Variants in CAMK1D observed in about 807,000 individuals in gnomAD.
The protein encoded by CAMK1D is calcium/calmodulin-dependent protein kinase type 1D.
Under a neutral mutation model 47.7 loss-of-function variants are expected in CAMK1D, and 9 were observed. The observed-to-expected ratio is 0.19, with a 90% CI of 0.11 to 0.33. The LOEUF is 0.33. Ranked by LOEUF, CAMK1D falls within the 10% of genes least tolerant of loss-of-function variation. The probability of loss-of-function intolerance (pLI) is 1.00; values close to 1 mark genes in which losing one functional copy is unlikely to be tolerated. For synonymous variants in CAMK1D, 184 were observed against 184.9 expected, an observed-to-expected ratio of 0.99 and a Z score of 0.04; for missense variants, 291 against 488.7, an observed-to-expected ratio of 0.60 and a Z score of 3.81.
At position 12,728,676 on chromosome 10, in the gene CAMK1D, C is replaced by T. The variant is rs115308454; in HGVS notation, c.300-32272C>T. ...ACAGCTGCGTTAGGATGAGGCAGATCGGTTTCTCTGGCTGCCCTTTCAATT... is the reference window on the plus strand; with the variant it reads ...ACAGCTGCGTTAGGATGAGGCAGATTGGTTTCTCTGGCTGCCCTTTCAATT... On this transcript the variant is annotated intron_variant, in intron 3 of 10. Transcript: ENST00000619168. Among the ~76,000 whole-genome samples, 297 of 152,288 alleles carry T rather than the reference C, an allele frequency of 2.0e-3. 1 individual carries two copies. The highest frequency in any genetic ancestry group is 6.8e-3 in the African/African-American group (283 of 41,554).
chr10:12,526,632 C>A (rs1835630240), intron 1 of CAMK1D, among the ~76,000 whole-genome samples: 1 of 152,042 alleles, frequency 6.6e-6, no homozygotes, highest in African/African-American at 2.4e-5. Flanking sequence ...TAAAAATAAT[C>A]AGAGGCTGGG....
intron 3 of CAMK1D, among the ~76,000 whole-genome samples, chr10:12,732,513 CG>C (rs564791398): frequency 3.3e-5 from 5 of 151,980 alleles, no homozygotes; most frequent in Admixed American, 2.0e-4. Context: ...AGAATCGTGG[CG>C]GGAGGCGAAA....
chr10:12,502,853 G>A (rs11257835), intron 1 of CAMK1D, among the ~76,000 whole-genome samples: 10,850 of 152,236 alleles, frequency 0.071, 441 homozygotes, highest in East Asian at 0.15. Flanking sequence ...TACTTGCCAT[G>A]CTCATTTTCT....
chr10:12,401,448 C>G (rs76132222), intron 1 of CAMK1D, among the ~76,000 whole-genome samples: 1,559 of 148,466 alleles, frequency 0.011, 26 homozygotes, highest in African/African-American at 0.037. Flanking sequence ...CTAATAGCTA[C>G]TTAATCAGTC....
intron 2 of CAMK1D, among the ~76,000 whole-genome samples, chr10:12,588,795 CACACACACACACACAT>C (rs1837899347): frequency 6.7e-6 from 1 of 148,446 alleles, no homozygotes; most frequent in Non-Finnish European, 1.5e-5. Flanking sequence ...TATATACACA[CACACACACACACACAT>C]ACACACATGC....
chr10:12,363,501 C>T (rs1272438854), intron 1 of CAMK1D, among the ~76,000 whole-genome samples: 1 of 152,062 alleles, frequency 6.6e-6, no homozygotes, highest in African/African-American at 2.4e-5. Flanking sequence ...GTGATCTGCC[C>T]TCTTCGGCCT....
At chr10:12,440,157 G>A (rs965957620) in intron 1 of CAMK1D, among the ~76,000 whole-genome samples, 1 of 152,198 alleles carries the variant, frequency 6.6e-6, no homozygotes, top group African/African-American at 2.4e-5. Flanking sequence ...GTCAGAGAAA[G>A]GCAGATGTGG....
At chr10:12,584,942 T>G (rs1435249847) in intron 2 of CAMK1D, among the ~76,000 whole-genome samples, 1 of 152,190 alleles carries the variant, frequency 6.6e-6, no homozygotes, top group Non-Finnish European at 1.5e-5. Flanking sequence ...GCTTTACAAT[T>G]CCTGCATTTA....
At chr10:12,601,982 G>T (rs1197807649) in intron 2 of CAMK1D, among the ~76,000 whole-genome samples, 1 of 152,172 alleles carries the variant, frequency 6.6e-6, no homozygotes, top group Non-Finnish European at 1.5e-5. Context: ...TGTGGCAGGG[G>T]GCCCATTCTG....
chr10:12,657,086 G>C (rs1840139457), intron 2 of CAMK1D, among the ~76,000 whole-genome samples: 1 of 152,096 alleles, frequency 6.6e-6, no homozygotes, highest in African/African-American at 2.4e-5. Flanking sequence ...ATATATTTTG[G>C]TAAACTTGGT....
At chr10:12,643,449 A>G (rs1041940340) in intron 2 of CAMK1D, among the ~76,000 whole-genome samples, 2 of 152,042 alleles carry the variant, frequency 1.3e-5, no homozygotes, top group African/African-American at 4.8e-5. Flanking sequence ...CTGCGTTTGT[A>G]TTTACAGCTG....
At chr10:12,461,687 CAAAAAA>C (rs57291391) in intron 1 of CAMK1D, among the ~76,000 whole-genome samples, 6 of 90,378 alleles carry the variant, frequency 6.6e-5, no homozygotes, top group African/African-American at 2.0e-4. Context: ...GGCTTCATCT[CAAAAAA>C]AAAAAAAAAA....
chr10:12,758,671 A>G (rs534853761), intron 3 of CAMK1D, among the ~76,000 whole-genome samples: 4 of 152,336 alleles, frequency 2.6e-5, no homozygotes, highest in African/African-American at 9.6e-5. Context: ...TACCTTATAT[A>G]TCACATAATG....
At chr10:12,630,454 G>A (rs1430645967) in intron 2 of CAMK1D, among the ~76,000 whole-genome samples, 1 of 150,710 alleles carries the variant, frequency 6.6e-6, no homozygotes, top group Non-Finnish European at 1.5e-5. Context: ...ATAGCTCACT[G>A]CAGCCTTGAA....
intron 6 of CAMK1D, among the ~76,000 whole-genome samples, chr10:12,805,020 G>T (rs1267825870): frequency 6.6e-6 from 1 of 151,218 alleles, no homozygotes; most frequent in Admixed American, 6.6e-5. Flanking sequence ...CAGCACTTTG[G>T]GAGGCCGATG....
intron 1 of CAMK1D, among the ~76,000 whole-genome samples, chr10:12,405,970 A>T (rs976896079): frequency 1.3e-5 from 2 of 152,220 alleles, no homozygotes; most frequent in African/African-American, 4.8e-5. Context: ...AAATGCGAGC[A>T]TCTGATTTGT....
At chr10:12,707,651 G>A (rs914849858) in intron 3 of CAMK1D, among the ~76,000 whole-genome samples, 2 of 152,218 alleles carry the variant, frequency 1.3e-5, no homozygotes, top group African/African-American at 4.8e-5. Context: ...CCAGAACTTA[G>A]AGGGCAGAGG....
Position 12,440,272 on chromosome 10 carries a change from G to A in CAMK1D, c.92+90362G>A, listed in dbSNP as rs145596004. On this transcript the variant is annotated intron_variant, in intron 1 of 10. Transcript: ENST00000619168. ...CTTTTTCCTGCCATTCCAACTATAC[G>A]TTAGTCTTTTTGGATTTTTTTTTTT... Among the ~76,000 whole-genome samples, 361 of 145,596 alleles carry A rather than the reference G, an allele frequency of 2.5e-3. 2 individuals are homozygous for A. Among genetic ancestry groups the A allele is most frequent in the African/African-American group, 8.4e-3 (335 of 40,004 alleles).
intron 1 of CAMK1D, among the ~76,000 whole-genome samples, chr10:12,421,542 T>C (rs1373389385): frequency 2.2e-5 from 2 of 91,676 alleles, no homozygotes; most frequent in African/African-American, 4.6e-5. Context: ...TTTTTTTTTT[T>C]TGAGACAAGG....
Sources: gnomAD v4.1 joint callset for allele counts (sites outside exome capture counted in the v4.1 genomes callset) on GRCh38, gnomAD v4.1.1 for gene constraint, MANE v1.5 for transcripts, NCBI Gene and HGNC (gene_info 2026-07-23, HGNC 2026-07-21) for gene names.